RIC1: variants seen among roughly 807,000 people sequenced by gnomAD.
RIC1 encodes RIC1 partner of RAB6A GEF complex, also known as guanine nucleotide exchange factor subunit RIC1.
In RIC1, 88 loss-of-function variants were observed where a neutral mutation model predicts 169.0. That is an observed-to-expected ratio of 0.52 (90% CI 0.44 to 0.62). The LOEUF (loss-of-function observed/expected upper bound fraction) is 0.62. RIC1 is among the 20% of genes least tolerant of loss of function. The pLI, the probability that RIC1 is intolerant of heterozygous loss-of-function variation, is 0.00. For missense variants in RIC1, 1,877 were observed against 1,725.5 expected, an observed-to-expected ratio of 1.09 and a Z score of -1.56; for synonymous variants, 790 against 601.5, an observed-to-expected ratio of 1.31 and a Z score of -4.59.
At chr9:5,737,428 A>G (rs564151888) in intron 7 of RIC1, among the ~76,000 whole-genome samples, 24 of 152,266 alleles carry the variant, frequency 1.6e-4, no homozygotes, top group East Asian at 1.2e-3. Context: ...CCTCCTGTTT[A>G]CCCCTCTTCT....
intron 3 of RIC1, among the ~76,000 whole-genome samples, chr9:5,693,130 C>T (rs1192296428): frequency 6.6e-6 from 1 of 152,048 alleles, no homozygotes; most frequent in East Asian, 1.9e-4. Flanking sequence ...GGAGTGGTTT[C>T]TAATAGTCCT....
intron 2 of RIC1, among the ~76,000 whole-genome samples, chr9:5,662,366 C>T (rs192571894): frequency 1.5e-3 from 224 of 152,096 alleles, no homozygotes; most frequent in Non-Finnish European, 3.0e-3. Context: ...AGGAGGAATC[C>T]CTAATTTTCA....
chr9:5,630,146 C>G (rs1457610829), intron 1 of RIC1, among the ~76,000 whole-genome samples: 2 of 152,182 alleles, frequency 1.3e-5, no homozygotes, highest in Non-Finnish European at 2.9e-5. Flanking sequence ...AATAATAAGG[C>G]TTGGGAGGAG....
chr9:5,654,900 A>G (rs897305705), intron 1 of RIC1, among the ~76,000 whole-genome samples: 3 of 152,156 alleles, frequency 2.0e-5, no homozygotes, highest in East Asian at 3.8e-4. Flanking sequence ...TTGCTGGTAT[A>G]TAGAAAATTT....
intron 12 of RIC1, chr9:5,748,488 T>G (rs1345883538): frequency 6.6e-6 from 1 of 152,636 alleles, no homozygotes; most frequent in African/African-American, 2.4e-5. Context: ...AATCAAACAA[T>G]GTACATACCA....
intron 2 of RIC1, among the ~76,000 whole-genome samples, chr9:5,687,446 G>C (rs1302548925): frequency 1.3e-5 from 2 of 152,062 alleles, no homozygotes; most frequent in African/African-American, 4.8e-5. Context: ...TCATTGATTT[G>C]AGATTTTCCT....
chr9:5,772,439 G>C, intron 23 of RIC1, 125 bp from the exon 24 acceptor site: 1 of 713,754 alleles, frequency 1.4e-6, no homozygotes, highest in Non-Finnish European at 2.2e-6. Context: ...TTTTAGCCAT[G>C]GATTTCATGT....
intron 4 of RIC1, among the ~76,000 whole-genome samples, chr9:5,715,707 G>A (rs1823193264): frequency 6.6e-6 from 1 of 152,124 alleles, no homozygotes; most frequent in African/African-American, 2.4e-5. Flanking sequence ...AAATATTAAT[G>A]TTAAGCATCT....
chr9:5,711,338 A>G (rs889652036), intron 3 of RIC1, among the ~76,000 whole-genome samples: 11 of 152,078 alleles, frequency 7.2e-5, no homozygotes, highest in African/African-American at 9.7e-5. Context: ...CAACTTTCAT[A>G]TACTATATCA....
chr9:5,746,505 G>C (rs1416708081), intron 11 of RIC1, among the ~76,000 whole-genome samples: 5 of 152,078 alleles, frequency 3.3e-5, no homozygotes. Context: ...ATTGATTGTA[G>C]GGCTCCAGAG....
intron 2 of RIC1, among the ~76,000 whole-genome samples, chr9:5,680,171 T>A (rs1411616172): frequency 6.6e-6 from 1 of 152,228 alleles, no homozygotes; most frequent in Non-Finnish European, 1.5e-5. Context: ...TGAACCAGCC[T>A]TGCATCCCAG....
rs781606539 is a variant in RIC1 at position 5,656,585 on chromosome 9, T to C, written c.147T>C (p.Pro49=). Residue 49 remains proline (P), a splice_region_variant and synonymous_variant, in exon 2 of 26, where the codon CCT becomes CCC. Coordinates refer to ENST00000414202, the MANE Select transcript of RIC1 (RefSeq NM_020829.4). ...AARLSIWYSR[P]SVLIVTYKEP... is the part of the protein sequence containing the mutation. The stretch of plus-strand genomic sequence containing the variant: ...TTTTTTTTTTTTTAATCACACAGCC[T>C]AGTGTGTTAATTGTAACCTACAAGG... 3.2e-6 allele frequency: 5 copies of C among 1,544,292 alleles called. No individual in the cohort carries two copies. In the South Asian group the frequency reaches 4.7e-5, roughly 15 times the overall value.
chr9:5,704,043 T>A (rs942668650), intron 3 of RIC1, among the ~76,000 whole-genome samples: 2 of 64,370 alleles, frequency 3.1e-5, no homozygotes, highest in East Asian at 7.2e-4. Flanking sequence ...ATTTTCTGGG[T>A]TTTTTTTTTT....
rs182913058 is a variant in RIC1, at chr9:5,698,211, C to G, written c.332+8173C>G. Reference sequence around the variant, plus strand: ...TTTGTGAATCAGTTTTCTGTATCACCTGATCTAGCCCTCAAAGCATACTTG... The same window carrying G: ...TTTGTGAATCAGTTTTCTGTATCACGTGATCTAGCCCTCAAAGCATACTTG... On this transcript the variant is annotated intron_variant, in intron 3 of 25. Coordinates refer to ENST00000414202, the MANE Select transcript of RIC1 (RefSeq NM_020829.4). Among the ~76,000 whole-genome samples the G allele has an allele frequency of 2.6e-4, 39 of 152,306 alleles. No individual in the cohort carries two copies. In the East Asian group the frequency reaches 6.7e-3, roughly 26 times the overall value.
Position 5,738,440 on chromosome 9 carries a change from G to A in RIC1, c.813-10G>A, listed in dbSNP as rs1489325004. 1 of 1,567,340 alleles carries A rather than the reference G, an allele frequency of 6.4e-7. No homozygotes were observed. The highest frequency in any genetic ancestry group is 1.9e-5 in the Admixed American group (1 of 52,658). ...TTTTCACTAAAAGTTTTTCGTTGTT[G>A]TTTTCACAGTGGTTCTGTGCAGGTC... On this transcript the variant is annotated splice_polypyrimidine_tract_variant and intron_variant, in intron 7 of 25. Transcript: ENST00000414202.
intron 3 of RIC1, among the ~76,000 whole-genome samples, chr9:5,705,192 G>GGTTTTTTT (rs1554669982): frequency 8.8e-6 from 1 of 113,412 alleles, no homozygotes; most frequent in Non-Finnish European, 1.9e-5. Flanking sequence ...TCCCATTTCT[G>GGTTTTTTT]TTTTTTTTTT....
At chr9:5,713,166 G>A (rs1208101393) in intron 3 of RIC1, 1 of 152,178 alleles carries the variant, frequency 6.6e-6, no homozygotes. Context: ...TGCCACAAGT[G>A]ATAGCTGATG....
At chr9:5,702,639 A>G (rs961988184) in intron 3 of RIC1, among the ~76,000 whole-genome samples, 13 of 152,070 alleles carry the variant, frequency 8.5e-5, no homozygotes, top group African/African-American at 2.9e-4. Flanking sequence ...CCCGGGTTGA[A>G]GCAATTCTCC....
intron 8 of RIC1, among the ~76,000 whole-genome samples, chr9:5,738,977 A>T (rs954877094): frequency 2.0e-5 from 3 of 152,124 alleles, no homozygotes; most frequent in African/African-American, 7.2e-5. Flanking sequence ...AGTTATTCCC[A>T]TTTTGTATTT....
Sources: gnomAD v4.1 joint callset for allele counts (sites outside exome capture counted in the v4.1 genomes callset) on GRCh38, gnomAD v4.1.1 for gene constraint, MANE v1.5 for transcripts, NCBI Gene and HGNC (gene_info 2026-07-23, HGNC 2026-07-21) for gene names.